GRIN2A: variants seen among roughly 807,000 people sequenced by gnomAD.
The protein encoded by GRIN2A is glutamate receptor ionotropic, NMDA 2A.
A neutral mutation model predicts 113.4 loss-of-function variants in GRIN2A; 22 were observed. The observed-to-expected ratio is 0.19, with a 90% CI of 0.14 to 0.28. The LOEUF (loss-of-function observed/expected upper bound fraction) is 0.28, where lower values mean the gene tolerates loss of function less well. GRIN2A is among the 10% of genes least tolerant of loss of function. The pLI, the probability that GRIN2A is intolerant of heterozygous loss-of-function variation, is 1.00. For missense variants in GRIN2A, 1,502 were observed against 1,887.0 expected, an observed-to-expected ratio of 0.80 and a Z score of 3.78; for synonymous variants, 827 against 738.4, an observed-to-expected ratio of 1.12 and a Z score of -1.94.
chr16:10,170,301 C>G (rs1026070385), intron 2 of GRIN2A, among the ~76,000 whole-genome samples: 1 of 152,110 alleles, frequency 6.6e-6, no homozygotes, highest in African/African-American at 2.4e-5. Flanking sequence ...TCTCACATCC[C>G]CCTTTCTGCA....
In GRIN2A at chr16:9,753,465, AT is replaced by A. The variant is rs967014134; in HGVS notation, c.*9683del. On this transcript the variant is annotated 3_prime_UTR_variant, in exon 13 of 13. Transcript: ENST00000330684. Reference sequence around the variant, plus strand: ...TATTAGAAAAATGAAATTTTCCTGTATTTACATTTTTACACCATATGACCGG... The same window carrying A: ...TATTAGAAAAATGAAATTTTCCTGTATTACATTTTTACACCATATGACCGG... 1 of 199,686 alleles carries A rather than the reference AT, an allele frequency of 5.0e-6. No homozygotes were observed. The highest frequency in any genetic ancestry group is 2.3e-5 in the African/African-American group (1 of 43,404). 12.4% of individuals were successfully genotyped at this position (199,686 alleles called of 1,614,324 possible).
chr16:9,801,618 T>A (rs1390014994), intron 10 of GRIN2A, among the ~76,000 whole-genome samples: 1 of 152,222 alleles, frequency 6.6e-6, no homozygotes, highest in Non-Finnish European at 1.5e-5. Context: ...CAGACAGACA[T>A]ATGAGTACAA....
chr16:9,934,268 C>T (rs1037136275), intron 3 of GRIN2A, among the ~76,000 whole-genome samples: 1 of 151,958 alleles, frequency 6.6e-6, no homozygotes, highest in African/African-American at 2.4e-5. Flanking sequence ...GATAAATTTC[C>T]CCCACCTTGA....
At chr16:10,132,400 G>T (rs1012959187) in intron 2 of GRIN2A, among the ~76,000 whole-genome samples, 1 of 148,714 alleles carries the variant, frequency 6.7e-6, no homozygotes, top group Non-Finnish European at 1.5e-5. Flanking sequence ...GCCAGTAATG[G>T]GTGGCAAAGC....
intron 5 of GRIN2A, among the ~76,000 whole-genome samples, chr16:9,842,036 A>C (rs908463344): frequency 9.8e-5 from 15 of 152,290 alleles, no homozygotes; most frequent in African/African-American, 3.6e-4. Flanking sequence ...TGAACACCTG[A>C]GGTCAGGAGT....
At chr16:10,121,458 G>C (rs1033582046) in intron 2 of GRIN2A, 1 of 128,726 alleles carries the variant, frequency 7.8e-6, no homozygotes, top group Non-Finnish European at 1.7e-5. Flanking sequence ...CTCTGGAATC[G>C]CTCTCAACAG....
rs372553039 is a variant in GRIN2A, at chr16:9,779,926, T to A, written c.2357-10837A>T. Reference sequence around the variant, plus strand: ...GTAAGTGGGGCAGACTCCACAGTCCTCTGCCCCCATTGTACTGACATTAAA... The same window carrying A: ...GTAAGTGGGGCAGACTCCACAGTCCACTGCCCCCATTGTACTGACATTAAA... On this transcript the variant is annotated intron_variant, in intron 11 of 12. Transcript: ENST00000330684. Among the ~76,000 whole-genome samples, 19 of 152,344 alleles carry A rather than the reference T, an allele frequency of 1.2e-4. 1 individual carries two copies. Among genetic ancestry groups the A allele is most frequent in the Admixed American group, 1.0e-3 (16 of 15,298 alleles).
intron 2 of GRIN2A, among the ~76,000 whole-genome samples, chr16:10,108,987 C>A: frequency 8.2e-6 from 1 of 122,334 alleles, no homozygotes; most frequent in Non-Finnish European, 1.7e-5. Flanking sequence ...ACAGAGAAAA[C>A]TAATGAAACC....
chr16:10,134,128 C>T (rs535082652), intron 2 of GRIN2A, among the ~76,000 whole-genome samples: 2 of 143,778 alleles, frequency 1.4e-5, no homozygotes, highest in Non-Finnish European at 3.0e-5. Flanking sequence ...ACCAGGAAGT[C>T]GAAGGTGCAG....
At chr16:9,868,876 C>T (rs563380964) in intron 4 of GRIN2A, among the ~76,000 whole-genome samples, 5 of 152,188 alleles carry the variant, frequency 3.3e-5, no homozygotes, top group Non-Finnish European at 7.3e-5. Flanking sequence ...GCCCAGAAAA[C>T]CCCTTCCCAC....
chr16:9,805,793 G>A (rs2141252356), intron 10 of GRIN2A, among the ~76,000 whole-genome samples: 1 of 152,236 alleles, frequency 6.6e-6, no homozygotes, highest in East Asian at 1.9e-4. Flanking sequence ...AAGCAGTGGA[G>A]GTGTGGATCA....
intron 2 of GRIN2A, among the ~76,000 whole-genome samples, chr16:10,024,792 G>T (rs1228439766): frequency 6.6e-6 from 1 of 152,176 alleles, no homozygotes; most frequent in East Asian, 1.9e-4. Flanking sequence ...CTTTCTCACT[G>T]CTTAGCAATT....
chr16:9,996,319 T>C (rs969787720), intron 2 of GRIN2A, among the ~76,000 whole-genome samples: 7 of 152,132 alleles, frequency 4.6e-5, no homozygotes, highest in South Asian at 4.1e-4. Context: ...TTCTACCACA[T>C]TGCATTGCGT....
chr16:9,843,115 C>A, intron 5 of GRIN2A, among the ~76,000 whole-genome samples: 1 of 150,020 alleles, frequency 6.7e-6, no homozygotes, highest in South Asian at 2.1e-4. Context: ...AAGGAGGAAA[C>A]GAGGAAAGGA....
At chr16:10,179,893 C>CCCCAAAAAAAAAAACACAATAAA in intron 2 of GRIN2A, 105 bp downstream of exon 2, 1 of 719,818 alleles carries the variant, frequency 1.4e-6, no homozygotes. Context: ...CCCCCACCCC[C>CCCCAAAAAAAAAAACACAATAAA]ACTTCACATC....
intron 2 of GRIN2A, among the ~76,000 whole-genome samples, chr16:9,994,967 G>C (rs759791106): frequency 6.6e-6 from 1 of 152,214 alleles, no homozygotes; most frequent in African/African-American, 2.4e-5. Flanking sequence ...TGACAAGGGA[G>C]GGGAGGGGCT....
intron 2 of GRIN2A, among the ~76,000 whole-genome samples, chr16:10,129,777 T>A (rs899515959): frequency 1.3e-5 from 2 of 152,242 alleles, no homozygotes; most frequent in Non-Finnish European, 2.9e-5. Context: ...AAGATGCATG[T>A]GATTCAAGAT....
chr16:10,036,441 TTTTTTTTC>T (rs1177273787), intron 2 of GRIN2A, among the ~76,000 whole-genome samples: 11 of 68,272 alleles, frequency 1.6e-4, no homozygotes, highest in African/African-American at 7.4e-4. Flanking sequence ...TACTTACTTT[TTTTTTTTC>T]TTTTTTTTTT....
At chr16:10,091,051 T>G (rs916830863) in intron 2 of GRIN2A, among the ~76,000 whole-genome samples, 1 of 152,182 alleles carries the variant, frequency 6.6e-6, no homozygotes, top group Non-Finnish European at 1.5e-5. Context: ...CACCAAGTGT[T>G]GGCAAGGATT....
Sources: allele counts gnomAD v4.1 joint callset (sites outside exome capture counted in the v4.1 genomes callset), GRCh38; gene constraint gnomAD v4.1.1; transcripts MANE v1.5; gene names NCBI Gene and HGNC (gene_info 2026-07-23, HGNC 2026-07-21).